The following HMCN2 variants were observed in gnomAD, a reference collection of about 807,000 sequenced individuals.
The protein encoded by HMCN2 is hemicentin 2.
A neutral mutation model predicts 377.5 loss-of-function variants in HMCN2; 325 were observed. The ratio of observed to expected loss-of-function variants is 0.86; its 90% CI spans 0.79 to 0.94. The LOEUF is 0.94. HMCN2 is among the 40% of genes least tolerant of loss of function. The pLI, the probability that HMCN2 is intolerant of heterozygous loss-of-function variation, is 0.00. For synonymous variants in HMCN2, 2,007 were observed against 2,046.8 expected, an observed-to-expected ratio of 0.98 and a Z score of 0.53; for missense variants, 4,543 against 4,725.3, an observed-to-expected ratio of 0.96 and a Z score of 1.13.
At chr9:130,311,159 G>A (rs1057499409) in intron 15 of HMCN2, among the ~76,000 whole-genome samples, 4 of 152,218 alleles carry the variant, frequency 2.6e-5, no homozygotes, top group African/African-American at 9.6e-5. Flanking sequence ...AGTGTTTGCC[G>A]AGGCCACGGC....
intron 23 of HMCN2, among the ~76,000 whole-genome samples, chr9:130,340,002 C>G (rs1234467544): frequency 1.3e-5 from 2 of 152,250 alleles, no homozygotes; most frequent in Non-Finnish European, 2.9e-5. Flanking sequence ...CTTGGACACT[C>G]AGACCCAGGG....
chr9:130,279,561 C>T (rs782010776), intron 1 of HMCN2, among the ~76,000 whole-genome samples: 13 of 152,126 alleles, frequency 8.5e-5, no homozygotes, highest in Non-Finnish European at 1.0e-4. Context: ...CCATGTTGGC[C>T]AGGCTGGTCT....
intron 23 of HMCN2, chr9:130,338,462 A>G (rs1838874521): frequency 6.6e-6 from 1 of 152,268 alleles, no homozygotes; most frequent in African/African-American, 2.4e-5. Flanking sequence ...GAGCATCTTA[A>G]TGCCCCCAAG....
chr9:130,285,777 T>C (rs2131280323), intron 3 of HMCN2, among the ~76,000 whole-genome samples: 1 of 152,286 alleles, frequency 6.6e-6, no homozygotes, highest in Non-Finnish European at 1.5e-5. Context: ...AGCCTGCTCT[T>C]TGGCATCCTT....
chr9:130,321,456 T>A (rs1469576283), intron 18 of HMCN2, among the ~76,000 whole-genome samples: 1 of 152,120 alleles, frequency 6.6e-6, no homozygotes, highest in Non-Finnish European at 1.5e-5. Context: ...TCCTGCAGGC[T>A]GCAAAGAGGT....
At position 130,368,496 on chromosome 9, in the gene HMCN2, C is replaced by A. The variant is rs943758721; in HGVS notation, c.6787+59C>A. The A allele has an allele frequency of 1.7e-5, 16 of 944,870 alleles. No individual in the cohort carries two copies. In the African/African-American group the frequency reaches 2.8e-4, roughly 17 times the overall value. 58.5% of individuals were successfully genotyped at this position (944,870 alleles called of 1,614,324 possible). A position where few individuals can be genotyped will look rare whatever the true frequency, so the allele number is the denominator to read the frequency against. On this transcript the variant is annotated intron_variant, in intron 44 of 97. Coordinates refer to ENST00000683500, the MANE Select transcript of HMCN2 (RefSeq NM_001291815.2). ...GGATCATGGACTGGCTGGGCAGGCG[C>A]TGCCCTGAAATTGGAGCAAATACGG...
chr9:130,429,398 C>T, intron 93 of HMCN2, 159 bp from the exon 94 acceptor site: 1 of 830,866 alleles, frequency 1.2e-6, no homozygotes, highest in Non-Finnish European at 1.9e-6. Flanking sequence ...CCTGGTATAA[C>T]TGGGGGAGGT....
chr9:130,293,528 T>G (rs981424250), intron 4 of HMCN2, among the ~76,000 whole-genome samples: 2 of 152,122 alleles, frequency 1.3e-5, no homozygotes, highest in African/African-American at 4.8e-5. Flanking sequence ...TGTCTTGGTT[T>G]CCTTGCTGGA....
Position 130,336,301 on chromosome 9 carries a change from G to A in HMCN2, c.3360-1593G>A, listed in dbSNP as rs913312145. Among the ~76,000 whole-genome samples, 131 of 152,260 alleles carry A rather than the reference G, an allele frequency of 8.6e-4. 2 individuals are homozygous for A. The East Asian group carries it at 0.018, about 21-fold the overall frequency. ...ATATACTCATGATGCTATTTATATC[G>A]TGATATAGCTCGTGATGCAAGTTTT... On this transcript the variant is annotated intron_variant, in intron 22 of 97. Coordinates refer to ENST00000683500, the MANE Select transcript of HMCN2 (RefSeq NM_001291815.2).
At chr9:130,339,778 G>A (rs1373166303) in intron 23 of HMCN2, among the ~76,000 whole-genome samples, 6 of 152,236 alleles carry the variant, frequency 3.9e-5, no homozygotes, top group Non-Finnish European at 7.3e-5. Flanking sequence ...CCTGGGCTAA[G>A]GGGTTGGTCT....
At chr9:130,410,755 TC>T (rs1290543566) in intron 85 of HMCN2, 103 bp downstream of exon 85, 17 of 924,736 alleles carry the variant, frequency 1.8e-5, no homozygotes, top group Non-Finnish European at 2.8e-5. Context: ...GACTTGGAAT[TC>T]TTTCATTAAT....
Position 130,394,377 on chromosome 9 carries a change from G to T in HMCN2, c.10502-8G>T, listed in dbSNP as rs992895696. 2.3e-6 allele frequency: 3 copies of T among 1,287,842 alleles called. No individual in the cohort carries two copies. In the Admixed American group the frequency reaches 6.9e-5, roughly 30 times the overall value. 79.8% of individuals were successfully genotyped at this position (1,287,842 alleles called of 1,614,324 possible). On this transcript the variant is annotated splice_region_variant and splice_polypyrimidine_tract_variant and intron_variant, in intron 68 of 97. Transcript: ENST00000683500. The surrounding 1 kb of genome is among the most constrained non-coding windows in gnomAD (Gnocchi z 5.1). Reference sequence around the variant, plus strand: ...CAATTGTGTGTTCCCCTCCATGGTGGCTTGCAGAGCCCCCTCACATTGAGG... The same window carrying T: ...CAATTGTGTGTTCCCCTCCATGGTGTCTTGCAGAGCCCCCTCACATTGAGG...
rs1395769837 is a variant in HMCN2 at position 130,414,355 on chromosome 9, A to G, written c.12961+3703A>G. Among the ~76,000 whole-genome samples the G allele has an allele frequency of 6.6e-6, 1 of 152,178 alleles. No homozygotes were observed. The highest frequency in any genetic ancestry group is 1.5e-5 in the Non-Finnish European group (1 of 68,024). ...CACCCCTCCCTGTTCCGGGCTGACCATGGAAGCCTCATAGGGAACCTGGGC... is the reference window on the plus strand; with the variant it reads ...CACCCCTCCCTGTTCCGGGCTGACCGTGGAAGCCTCATAGGGAACCTGGGC... On this transcript the variant is annotated intron_variant, in intron 85 of 97. Coordinates refer to ENST00000683500, the MANE Select transcript of HMCN2 (RefSeq NM_001291815.2). This position sits in a 1 kb window ranked among gnomAD's most constrained non-coding sequence, Gnocchi z 4.4.
At chr9:130,275,749 C>T (rs191427083) in intron 1 of HMCN2, among the ~76,000 whole-genome samples, 17 of 152,268 alleles carry the variant, frequency 1.1e-4, no homozygotes, top group Non-Finnish European at 1.5e-4. Context: ...CACGCCCGGC[C>T]GTGACATTGC....
At chr9:130,288,649 T>C (rs947509) in intron 4 of HMCN2, among the ~76,000 whole-genome samples, 96,474 of 152,154 alleles carry the variant, frequency 0.63, 32,088 homozygotes, top group East Asian at 0.86. Flanking sequence ...CCAAGAGGCG[T>C]CATGCATTCT....
In HMCN2 at chr9:130,349,151, T is replaced by C. The variant is rs191416833; in HGVS notation, c.4303+20T>C. 567 of 1,300,618 alleles carry C rather than the reference T, an allele frequency of 4.4e-4. 1 individual carries two copies. In the African/African-American group the frequency reaches 7.9e-3, roughly 18 times the overall value. 80.6% of individuals were successfully genotyped at this position (1,300,618 alleles called of 1,614,324 possible). On this transcript the variant is annotated intron_variant, in intron 28 of 97. Transcript: ENST00000683500. ...TGCTCAGTGAGTGAGACCTGAGCCC[T>C]GTAACTCCCAAGTGTGTCTGGCCCT...
At chr9:130,271,268 G>T (rs1834391330) in intron 1 of HMCN2, among the ~76,000 whole-genome samples, 1 of 148,750 alleles carries the variant, frequency 6.7e-6, no homozygotes, top group Admixed American at 6.7e-5. Flanking sequence ...GGGCTCTCTG[G>T]AAGAGAGTCA....
chr9:130,373,211 G>T (rs113166640), intron 48 of HMCN2, 87 bp downstream of exon 48: 18 of 335,980 alleles, frequency 5.4e-5, no homozygotes, highest in African/African-American at 2.7e-4. Context: ...CTGCCCACCT[G>T]CCCCAGCCCC....
intron 8 of HMCN2, among the ~76,000 whole-genome samples, chr9:130,300,448 T>C (rs1198642823): frequency 2.6e-5 from 4 of 152,240 alleles, no homozygotes; most frequent in African/African-American, 4.8e-5. Flanking sequence ...TTGGACACTT[T>C]CCATGGGGCA....
Sources: gnomAD v4.1 joint callset for allele counts (sites outside exome capture counted in the v4.1 genomes callset) on GRCh38, gnomAD v4.1.1 for gene constraint, Gnocchi (gnomAD v3.1) non-coding constraint, MANE v1.5 for transcripts, NCBI Gene and HGNC (gene_info 2026-07-23, HGNC 2026-07-21) for gene names.